Variants in AJAP1 observed in about 807,000 individuals in gnomAD.
AJAP1 encodes the protein adherens junction-associated protein 1.
In AJAP1, 5 loss-of-function variants were observed where a neutral mutation model predicts 35.0. That is an observed-to-expected ratio of 0.14 (90% confidence interval 0.07 to 0.30). The LOEUF is 0.30. AJAP1 is among the 10% of genes least tolerant of loss of function. The pLI is 1.00. For missense variants in AJAP1, 586 were observed against 571.0 expected, an observed-to-expected ratio of 1.03 and a Z score of -0.27; for synonymous variants, 284 against 249.3, an observed-to-expected ratio of 1.14 and a Z score of -1.31.
intron 2 of AJAP1, among the ~76,000 whole-genome samples, chr1:4,740,579 A>G (rs981005045): frequency 6.6e-6 from 1 of 151,750 alleles, no homozygotes; most frequent in Non-Finnish European, 1.5e-5. Context: ...AGGTCAGGAG[A>G]TCGAGACCAT....
intron 4 of AJAP1, among the ~76,000 whole-genome samples, chr1:4,773,767 C>T (rs1342170485): frequency 1.3e-5 from 2 of 152,178 alleles, no homozygotes; most frequent in Non-Finnish European, 2.9e-5. Context: ...GTGCTTGGGC[C>T]GTGTGGGTAG....
intron 2 of AJAP1, among the ~76,000 whole-genome samples, chr1:4,730,242 A>G (rs1169097690): frequency 6.6e-6 from 1 of 152,210 alleles, no homozygotes; most frequent in Non-Finnish European, 1.5e-5. Flanking sequence ...GGGAGCAAAC[A>G]AGCTTGCTGC....
intron 1 of AJAP1, among the ~76,000 whole-genome samples, chr1:4,675,146 A>G (rs1639336192): frequency 6.6e-6 from 1 of 152,082 alleles, no homozygotes; most frequent in Non-Finnish European, 1.5e-5. Context: ...TTGTGTGAGG[A>G]TAGAGGGAGT....
chr1:4,766,505 G>T (rs3766975), intron 2 of AJAP1, among the ~76,000 whole-genome samples: 67,784 of 151,930 alleles, frequency 0.45, 15,685 homozygotes, highest in African/African-American at 0.53. Flanking sequence ...CCATATTTCA[G>T]CCTGCTTCCT....
chr1:4,722,495 C>T (rs1401997905), intron 2 of AJAP1, among the ~76,000 whole-genome samples: 1 of 152,266 alleles, frequency 6.6e-6, no homozygotes, highest in East Asian at 1.9e-4. Context: ...ATGGGAGGCC[C>T]AGCCTTCATC....
Position 4,787,963 on chromosome 1 carries a change from G to A in AJAP1, c.*5478G>A, listed in dbSNP as rs529117715. On this transcript the variant is annotated 3_prime_UTR_variant, in exon 6 of 6. Coordinates refer to ENST00000378191, the MANE Select transcript of AJAP1 (RefSeq NM_018836.4). ...ATGTAATTTTTGAGTGGTTACTTTGGTGCAGTTTGTCAATTTGCTCTACCA... is the reference window on the plus strand; with the variant it reads ...ATGTAATTTTTGAGTGGTTACTTTGATGCAGTTTGTCAATTTGCTCTACCA... The A allele has an allele frequency of 6.1e-5, 20 of 328,068 alleles. No individual in the cohort carries two copies. Among genetic ancestry groups the A allele is most frequent in the Middle Eastern group, 7.9e-4 (2 of 2,522 alleles). The allele number at this position is 328,068 out of a possible 1,614,324, so 20.3% of individuals were successfully genotyped here.
chr1:4,735,109 A>C (rs1199011689), intron 2 of AJAP1, among the ~76,000 whole-genome samples: 6 of 152,208 alleles, frequency 3.9e-5, no homozygotes, highest in Non-Finnish European at 2.9e-5. Flanking sequence ...CTTCTCTTCT[A>C]CACCTGGGTG....
rs139689604 is a variant in AJAP1, at chr1:4,712,674, C to T, written c.804C>T (p.Pro268=). Reference sequence around the variant, plus strand: ...GCAACAACGGGGAAGTCACCCAGCCCCCAAGGATTCTGGGGGAGGCCTCAG... The same window carrying T: ...GCAACAACGGGGAAGTCACCCAGCCTCCAAGGATTCTGGGGGAGGCCTCAG... ...SPSNNGEVTQ[P]PRILGEASGL... The change falls in exon 2 of 6, where the codon CCC becomes CCT. Residue 268 remains proline, a synonymous_variant. Transcript: ENST00000378191. 4.6e-6 allele frequency: 7 copies of T among 1,515,662 alleles called. No homozygotes were observed. The highest frequency in any genetic ancestry group is 6.2e-6 in the Non-Finnish European group (7 of 1,128,406). The allele number at this position is 1,515,662 out of a possible 1,614,324, so 93.9% of individuals were successfully genotyped here.
rs1427211437 is a variant in AJAP1, at chr1:4,712,431, G to A, written c.561G>A (p.Gly187=). The A allele has an allele frequency of 1.4e-5, 22 of 1,604,630 alleles. No individual in the cohort carries two copies. Among genetic ancestry groups the A allele is most frequent in the Non-Finnish European group, 1.9e-5 (22 of 1,175,884 alleles). Residue 187 remains glycine (G), a synonymous_variant, in exon 2 of 6, where the codon GGG becomes GGA. Transcript: ENST00000378191. The stretch of plus-strand genomic sequence containing the variant: ...AGTTCATCGCCTGGGGGCCCACGGG[G>A]GACGAGGAGGCCCTGGAGTCCAACA... ...ETEFIAWGPT[G]DEEALESNTF...
intron 1 of AJAP1, among the ~76,000 whole-genome samples, chr1:4,657,791 TG>T (rs1467676440): frequency 6.6e-6 from 1 of 151,516 alleles, no homozygotes; most frequent in Non-Finnish European, 1.5e-5. Context: ...TTTACGTCTG[TG>T]TTGGAACTGA....
At chr1:4,754,352 C>G (rs917915822) in intron 2 of AJAP1, among the ~76,000 whole-genome samples, 1 of 152,208 alleles carries the variant, frequency 6.6e-6, no homozygotes, top group Non-Finnish European at 1.5e-5. Flanking sequence ...TATTGACTCT[C>G]TGGCCCTTTG....
At chr1:4,746,658 T>G (rs1641195545) in intron 2 of AJAP1, among the ~76,000 whole-genome samples, 2 of 152,210 alleles carry the variant, frequency 1.3e-5, no homozygotes. Context: ...GGGCTTACAA[T>G]GAAAAATTGT....
rs1260088972 is a variant in AJAP1, at chr1:4,791,942, C to G, written c.*9457C>G. The G allele has an allele frequency of 6.6e-6, 1 of 152,208 alleles. No individual in the cohort carries two copies. Among genetic ancestry groups the G allele is most frequent in the Admixed American group, 6.5e-5 (1 of 15,278 alleles). The allele number at this position is 152,208 out of a possible 1,614,324, so 9.4% of individuals were successfully genotyped here. On this transcript the variant is annotated 3_prime_UTR_variant, in exon 6 of 6. Transcript: ENST00000378191. ...GAAATTCACAAACCTGAAGCTGAAC[C>G]ACAGGACAAGAAATTAAACAGCAAC... is the stretch of plus-strand genomic sequence containing the variant.
At chr1:4,748,747 C>CAAAAAAAAAA (rs70955802) in intron 2 of AJAP1, among the ~76,000 whole-genome samples, 8 of 98,302 alleles carry the variant, frequency 8.1e-5, no homozygotes, top group Non-Finnish European at 1.2e-4. Context: ...GACTCTGTCT[C>CAAAAAAAAAA]AAAAAAAAAA....
At chr1:4,670,362 T>C (rs939420401) in intron 1 of AJAP1, among the ~76,000 whole-genome samples, 3 of 152,196 alleles carry the variant, frequency 2.0e-5, no homozygotes, top group African/African-American at 7.2e-5. Flanking sequence ...CCGGGATGAA[T>C]CTTATTCTTG....
At position 4,791,292 on chromosome 1, in the gene AJAP1, G is replaced by A. The variant is rs189151447; in HGVS notation, c.*8807G>A. ...AACTGGACATTGAATGAAGCTTGAG[G>A]CCATGCATTGATAACATTTTTAGAG... On this transcript the variant is annotated 3_prime_UTR_variant, in exon 6 of 6. Transcript: ENST00000378191. 1 of 152,302 alleles carries A rather than the reference G, an allele frequency of 6.6e-6. No homozygotes were observed. Among genetic ancestry groups the A allele is most frequent in the Admixed American group, 6.5e-5 (1 of 15,294 alleles). 9.4% of individuals were successfully genotyped at this position (152,302 alleles called of 1,614,324 possible). A position where few individuals can be genotyped will look rare whatever the true frequency, so the allele number is the denominator to read the frequency against.
chr1:4,746,448 G>GC (rs1257921472), intron 2 of AJAP1, among the ~76,000 whole-genome samples: 1 of 152,020 alleles, frequency 6.6e-6, no homozygotes, highest in East Asian at 1.9e-4. Context: ...AACCCGCATC[G>GC]CCCACCTTGT....
chr1:4,714,933 C>T (rs1640354603), intron 2 of AJAP1, among the ~76,000 whole-genome samples: 1 of 152,152 alleles, frequency 6.6e-6, no homozygotes, highest in African/African-American at 2.4e-5. Context: ...ATTTAGGTTA[C>T]ACACTGGGAA....
intron 1 of AJAP1, among the ~76,000 whole-genome samples, chr1:4,702,124 A>T (rs183532320): frequency 1.3e-5 from 2 of 151,616 alleles, no homozygotes; most frequent in East Asian, 3.9e-4. Context: ...CAGTATTCCA[A>T]CGTGTCCCCA....
Sources: allele counts gnomAD v4.1 joint callset (sites outside exome capture counted in the v4.1 genomes callset), GRCh38; gene constraint gnomAD v4.1.1; transcripts MANE v1.5; gene names NCBI Gene and HGNC (gene_info 2026-07-23, HGNC 2026-07-21).